PRKG1: variants seen among roughly 807,000 people sequenced by gnomAD.
PRKG1 encodes cGMP-dependent protein kinase 1.
A neutral mutation model predicts 88.1 loss-of-function variants in PRKG1; 35 were observed. That is an observed-to-expected ratio of 0.40 (90% CI 0.30 to 0.53). The LOEUF is 0.53. Among genes scored for constraint, PRKG1 ranks in the 20% least tolerant of loss-of-function variants. The pLI is 0.59. For synonymous variants in PRKG1, 303 were observed against 292.5 expected (o/e 1.04, Z -0.37); for missense variants, 540 against 839.8 (o/e 0.64, Z 4.41).
intron 10 of PRKG1, among the ~76,000 whole-genome samples, chr10:52,257,052 C>T (rs977558144): frequency 1.4e-5 from 2 of 139,444 alleles, no homozygotes; most frequent in African/African-American, 5.0e-5. Flanking sequence ...ACCCATGGCA[C>T]CTCAGTTGGG....
At chr10:51,960,987 T>A (rs1384685941) in intron 5 of PRKG1, among the ~76,000 whole-genome samples, 1 of 152,186 alleles carries the variant, frequency 6.6e-6, no homozygotes, top group Non-Finnish European at 1.5e-5. Flanking sequence ...TGATATGTGT[T>A]CTGCCAGTCT....
intron 2 of PRKG1, among the ~76,000 whole-genome samples, chr10:51,287,736 A>G (rs927329749): frequency 1.3e-5 from 2 of 152,196 alleles, no homozygotes; most frequent in Non-Finnish European, 2.9e-5. Flanking sequence ...GGTCTGGGCC[A>G]GGCTGAGATA....
At chr10:52,176,789 C>G (rs927364029) in intron 9 of PRKG1, among the ~76,000 whole-genome samples, 10 of 151,766 alleles carry the variant, frequency 6.6e-5, no homozygotes, top group Admixed American at 5.3e-4. Flanking sequence ...AATAGAATTG[C>G]CTTCTTTATT....
intron 7 of PRKG1, among the ~76,000 whole-genome samples, chr10:52,110,224 T>A (rs1847528796): frequency 6.6e-6 from 1 of 151,856 alleles, no homozygotes; most frequent in Non-Finnish European, 1.5e-5. Flanking sequence ...GGCGGGTGCC[T>A]GTAGTCCCAG....
chr10:52,051,335 C>T (rs1342970395), intron 5 of PRKG1, among the ~76,000 whole-genome samples: 4 of 152,134 alleles, frequency 2.6e-5, no homozygotes, highest in Non-Finnish European at 5.9e-5. Context: ...GCTGCTTATT[C>T]TCCTCTTTCT....
intron 5 of PRKG1, among the ~76,000 whole-genome samples, chr10:51,968,820 C>CAAAAAAAAAAAAAAAAAA (rs56810665): frequency 1.9e-5 from 2 of 105,412 alleles, no homozygotes; most frequent in Non-Finnish European, 4.3e-5. Flanking sequence ...AAAACTCCAT[C>CAAAAAAAAAAAAAAAAAA]AAAAAAAAAA....
intron 1 of PRKG1, among the ~76,000 whole-genome samples, chr10:51,085,660 G>T (rs997245271): frequency 7.9e-5 from 12 of 152,100 alleles, no homozygotes; most frequent in African/African-American, 2.7e-4. Flanking sequence ...TGAGCAAATG[G>T]ATTTTACTTA....
intron 5 of PRKG1, among the ~76,000 whole-genome samples, chr10:51,950,345 A>T (rs1237031261): frequency 6.6e-6 from 1 of 152,274 alleles, no homozygotes; most frequent in Non-Finnish European, 1.5e-5. Context: ...ACTACAGATC[A>T]CCAAGTACAT....
Position 51,573,878 on chromosome 10 carries a change from C to T in PRKG1, c.592+106042C>T, listed in dbSNP as rs895384846. 3.9e-5 allele frequency among the ~76,000 whole-genome samples: 6 copies of T among 151,966 alleles called. No individual in the cohort carries two copies. The South Asian group carries it at 6.2e-4, about 16-fold the overall frequency. On this transcript the variant is annotated intron_variant, in intron 3 of 17. Coordinates refer to ENST00000373980, the MANE Select transcript of PRKG1 (RefSeq NM_006258.4). ...CACCTTGACAGTTGTGAGTGGTTTT[C>T]GATTAGCATTAGACTGGGTTGTAAA...
At chr10:52,072,158 CTTTTTTT>C (rs60576406) in intron 7 of PRKG1, among the ~76,000 whole-genome samples, 5 of 39,556 alleles carry the variant, frequency 1.3e-4, no homozygotes, top group Admixed American at 4.5e-4. Context: ...TATTGTTTTG[CTTTTTTT>C]TTTTTTTTTT....
chr10:51,138,459 G>T (rs531159253), intron 1 of PRKG1, among the ~76,000 whole-genome samples: 32 of 152,182 alleles, frequency 2.1e-4, no homozygotes, highest in South Asian at 1.5e-3. Context: ...CTGCAAAGTG[G>T]TTTTTTGTCT....
chr10:51,716,153 G>A (rs1475424178), intron 3 of PRKG1, among the ~76,000 whole-genome samples: 2 of 152,160 alleles, frequency 1.3e-5, no homozygotes, highest in Non-Finnish European at 2.9e-5. Context: ...ACTACTGCTT[G>A]CTTCTTGCCT....
chr10:51,448,303 A>G (rs1839333655), intron 2 of PRKG1, among the ~76,000 whole-genome samples: 1 of 151,974 alleles, frequency 6.6e-6, no homozygotes. Flanking sequence ...TCAAGTTGAC[A>G]TTCATGTTTT....
intron 1 of PRKG1, among the ~76,000 whole-genome samples, chr10:51,129,439 C>T (rs952665289): frequency 6.0e-5 from 9 of 151,226 alleles, no homozygotes; most frequent in East Asian, 1.9e-4. Flanking sequence ...AGTGAGACTC[C>T]GTCTCAAATA....
At chr10:51,574,191 A>C (rs1267908211) in intron 3 of PRKG1, among the ~76,000 whole-genome samples, 2 of 151,968 alleles carry the variant, frequency 1.3e-5, no homozygotes, top group Non-Finnish European at 2.9e-5. Context: ...TGTGGCTCTC[A>C]TCTCTGATGT....
intron 7 of PRKG1, among the ~76,000 whole-genome samples, chr10:52,121,554 T>C (rs968447346): frequency 6.6e-6 from 1 of 152,244 alleles, no homozygotes; most frequent in African/African-American, 2.4e-5. Context: ...CCTTTGCTGC[T>C]TAGCTATTTC....
intron 8 of PRKG1, among the ~76,000 whole-genome samples, chr10:52,152,465 A>G (rs1837955509): frequency 6.6e-6 from 1 of 152,124 alleles, no homozygotes. Flanking sequence ...AGTGAAGGCT[A>G]CTTTGCATGG....
At chr10:51,430,884 C>A (rs1181423044) in intron 2 of PRKG1, among the ~76,000 whole-genome samples, 1 of 152,140 alleles carries the variant, frequency 6.6e-6, no homozygotes, top group African/African-American at 2.4e-5. Flanking sequence ...ATATCCAAAG[C>A]AGATACATCT....
intron 2 of PRKG1, among the ~76,000 whole-genome samples, chr10:51,179,280 A>G (rs7085697): frequency 0.56 from 85,088 of 152,088 alleles, 25,495 homozygotes; most frequent in African/African-American, 0.8. Flanking sequence ...TCAAGAAGAC[A>G]TCTCCTGCAT....
Sources: gnomAD v4.1 joint callset for allele counts (sites outside exome capture counted in the v4.1 genomes callset) on GRCh38, gnomAD v4.1.1 for gene constraint, MANE v1.5 for transcripts, NCBI Gene and HGNC (gene_info 2026-07-23, HGNC 2026-07-21) for gene names.